CCDC81: variants seen among roughly 807,000 people sequenced by gnomAD.
The protein encoded by CCDC81 is coiled-coil domain containing 81, also known as coiled-coil domain-containing protein 81.
In CCDC81, 79 loss-of-function variants were observed where a neutral mutation model predicts 83.7. The observed-to-expected ratio is 0.94, with a 90% CI of 0.79 to 1.14. CCDC81 has a LOEUF of 1.14. Ranked by LOEUF, CCDC81 falls within the 50% of genes most tolerant of loss-of-function variation. The pLI is 0.00. For synonymous variants in CCDC81, 252 were observed against 278.1 expected (o/e 0.91, Z 0.93); for missense variants, 791 against 778.1 (o/e 1.02, Z -0.20).
intron 7 of CCDC81, among the ~76,000 whole-genome samples, chr11:86,403,012 G>C: frequency 8.6e-6 from 1 of 115,768 alleles, no homozygotes; most frequent in South Asian, 2.7e-4. Flanking sequence ...CTAATTTTTT[G>C]ATTTTTTTTT....
chr11:86,392,769 G>A lies in CCDC81; in HGVS notation c.527G>A (p.Ser176Asn). 6.4e-7 allele frequency: 1 copy of A among 1,551,480 alleles called. No homozygotes were observed. The highest frequency in any genetic ancestry group is 8.7e-7 in the Non-Finnish European group (1 of 1,146,900). ...YKDFLCTMDG[S>N]GALAKALANR... is the part of the protein sequence containing the mutation. ...GACTTCCTTTGTACCATGGATGGAAGTGGGGCTTTGGCAAAGGCCCTAGCA... is the reference window on the plus strand; with the variant it reads ...GACTTCCTTTGTACCATGGATGGAAATGGGGCTTTGGCAAAGGCCCTAGCA... The change falls in exon 4 of 15, where the codon AGT (serine) becomes AAT (asparagine). Residue 176 changes from serine to asparagine, a missense_variant. By Grantham distance (46) the Ser-to-Asn change is conservative. Transcript: ENST00000445632.
At chr11:86,408,914 A>G (rs565448804) in intron 9 of CCDC81, among the ~76,000 whole-genome samples, 189 of 151,980 alleles carry the variant, frequency 1.2e-3, no homozygotes, top group African/African-American at 4.4e-3. Context: ...TTCATGTCCT[A>G]TTTCAAGCAA....
At chr11:86,414,694 T>C (rs1447678377) in intron 11 of CCDC81, 95 bp from the exon 12 acceptor site, 1 of 705,156 alleles carries the variant, frequency 1.4e-6, no homozygotes, top group Non-Finnish European at 2.4e-6. Context: ...CTCTTGTTCC[T>C]ATTTAATACT....
rs761407331 is a variant in CCDC81, at chr11:86,395,315, C to G, written c.556-19C>G. On this transcript the variant is annotated intron_variant, in intron 4 of 14. Coordinates refer to ENST00000445632, the MANE Select transcript of CCDC81 (RefSeq NM_001156474.2). ...GGACCTCAGCCTAGATGTAACCTTG[C>G]TCTGTTGCTGTCCTCTAGAGGCCTG... The G allele has an allele frequency of 6.2e-7, 1 of 1,610,334 alleles. No individual in the cohort carries two copies. The highest frequency in any genetic ancestry group is 8.5e-7 in the Non-Finnish European group (1 of 1,177,020).
chr11:86,403,753 T>C (rs2138525116), intron 7 of CCDC81, among the ~76,000 whole-genome samples: 1 of 152,294 alleles, frequency 6.6e-6, no homozygotes, highest in South Asian at 2.1e-4. Context: ...TTTATATTAT[T>C]GGGATTTGAG....
intron 10 of CCDC81, among the ~76,000 whole-genome samples, chr11:86,411,946 C>T (rs1201767879): frequency 6.6e-6 from 1 of 152,194 alleles, no homozygotes; most frequent in African/African-American, 2.4e-5. Context: ...AGCCAGGCCC[C>T]TCCATTGACC....
intron 10 of CCDC81, among the ~76,000 whole-genome samples, chr11:86,411,614 G>A (rs1221321108): frequency 2.0e-5 from 3 of 152,054 alleles, no homozygotes; most frequent in Non-Finnish European, 2.9e-5. Context: ...GCTCCTCTCT[G>A]TCCTTGCATG....
At chr11:86,420,459 GC>G (rs1948774791) in intron 14 of CCDC81, among the ~76,000 whole-genome samples, 1 of 152,052 alleles carries the variant, frequency 6.6e-6, no homozygotes, top group Admixed American at 6.5e-5. Context: ...AAAGTAAGAT[GC>G]CTATTATGGA....
At chr11:86,388,322 C>G (rs181605327) in intron 3 of CCDC81, among the ~76,000 whole-genome samples, 29 of 152,100 alleles carry the variant, frequency 1.9e-4, no homozygotes, top group African/African-American at 6.3e-4. Flanking sequence ...GGCATAATCC[C>G]TGCCACAGAC....
At chr11:86,419,783 T>C in intron 13 of CCDC81, 145 bp from the exon 14 acceptor site, 2 of 684,244 alleles carry the variant, frequency 2.9e-6, no homozygotes, top group Non-Finnish European at 4.4e-6. Flanking sequence ...AGTATGCTTT[T>C]ACAGTGTTCA....
chr11:86,405,877 T>C (rs11601917), intron 7 of CCDC81, among the ~76,000 whole-genome samples: 118,368 of 151,290 alleles, frequency 0.78, 46,367 homozygotes, highest in South Asian at 0.86. Flanking sequence ...ATTCTCCTGC[T>C]TCAGCCTCCT....
chr11:86,394,852 C>T (rs1318779501), intron 4 of CCDC81, among the ~76,000 whole-genome samples: 2 of 152,184 alleles, frequency 1.3e-5, no homozygotes, highest in Non-Finnish European at 2.9e-5. Flanking sequence ...CATGGAAGTG[C>T]TATTAGATCC....
rs765796934 is a variant in CCDC81, at chr11:86,409,376, T to A, written c.1218+11T>A. 8 of 1,421,754 alleles carry A rather than the reference T, an allele frequency of 5.6e-6. No individual in the cohort carries two copies. Among genetic ancestry groups the A allele is most frequent in the Non-Finnish European group, 7.7e-6 (8 of 1,042,966 alleles). 88.1% of individuals were successfully genotyped at this position (1,421,754 alleles called of 1,614,324 possible). A position where few individuals can be genotyped will look rare whatever the true frequency, so the allele number is the denominator to read the frequency against. On this transcript the variant is annotated intron_variant, in intron 10 of 14. Coordinates refer to ENST00000445632, the MANE Select transcript of CCDC81 (RefSeq NM_001156474.2). ...AAACCGGAATTTTATGTAAGTCTTT[T>A]AAAAATTTCTGTTGCTAACACCTGG...
At chr11:86,396,458 A>G (rs78753283) in intron 5 of CCDC81, among the ~76,000 whole-genome samples, 1,587 of 152,260 alleles carry the variant, frequency 0.01, 27 homozygotes, top group African/African-American at 0.036. Context: ...AGGTGGAGGA[A>G]GTTTGGGGAA....
At chr11:86,414,765 T>C (rs768331300) in intron 11 of CCDC81, 24 bp from the exon 12 acceptor site, 5 of 1,561,958 alleles carry the variant, frequency 3.2e-6, no homozygotes, top group African/African-American at 1.4e-5. Flanking sequence ...CTGTGGTCCA[T>C]CTTCTCTTGT....
rs923018184 is a variant in CCDC81, at chr11:86,392,419, T to G, written c.299-122T>G. ...ATTACATTGGGTACAACTAAAAGCTTCATCCAGAAGATTCTATTTTAGGGC... is the reference window on the plus strand; with the variant it reads ...ATTACATTGGGTACAACTAAAAGCTGCATCCAGAAGATTCTATTTTAGGGC... On this transcript the variant is annotated intron_variant, in intron 3 of 14. Transcript: ENST00000445632. The G allele has an allele frequency of 1.0e-5, 12 of 1,162,148 alleles. No homozygotes were observed. In the African/African-American group the frequency reaches 1.9e-4, roughly 18 times the overall value. 72.0% of individuals were successfully genotyped at this position (1,162,148 alleles called of 1,614,324 possible). A position where few individuals can be genotyped will look rare whatever the true frequency, so the allele number is the denominator to read the frequency against.
intron 1 of CCDC81, among the ~76,000 whole-genome samples, chr11:86,382,857 G>C (rs568504860): frequency 1.4e-3 from 211 of 152,300 alleles, no homozygotes; most frequent in Middle Eastern, 3.4e-3. Flanking sequence ...CTTAAACGGG[G>C]AGGGAGTGAT....
At chr11:86,395,702 C>A (rs1948397924) in intron 5 of CCDC81, among the ~76,000 whole-genome samples, 1 of 152,192 alleles carries the variant, frequency 6.6e-6, no homozygotes, top group East Asian at 1.9e-4. Flanking sequence ...CTCACTGCAA[C>A]CTCGGTCTCC....
At chr11:86,396,100 C>G (rs1948406466) in intron 5 of CCDC81, among the ~76,000 whole-genome samples, 1 of 152,120 alleles carries the variant, frequency 6.6e-6, no homozygotes, top group Admixed American at 6.5e-5. Context: ...ATTTCCTGTC[C>G]TTGCTCGGAT....
Sources: gnomAD v4.1 joint callset for allele counts (sites outside exome capture counted in the v4.1 genomes callset) on GRCh38, gnomAD v4.1.1 for gene constraint, MANE v1.5 for transcripts, NCBI Gene and HGNC (gene_info 2026-07-23, HGNC 2026-07-21) for gene names.